The following TERB1 variants were observed in gnomAD, a reference collection of about 807,000 sequenced individuals.
The protein encoded by TERB1 is telomere repeat binding bouquet formation protein 1.
Under a neutral mutation model 92.3 loss-of-function variants are expected in TERB1, and 63 were observed. The ratio of observed to expected loss-of-function variants is 0.68; its 90% CI spans 0.56 to 0.84. The LOEUF (loss-of-function observed/expected upper bound fraction) is 0.84, where lower values mean the gene tolerates loss of function less well. TERB1 is among the 40% of genes least tolerant of loss of function. The probability of loss-of-function intolerance (pLI) is 0.00; values close to 1 mark genes in which losing one functional copy is unlikely to be tolerated. For missense variants in TERB1, 709 were observed against 843.7 expected, an observed-to-expected ratio of 0.84 and a Z score of 1.98; for synonymous variants, 252 against 283.9, an observed-to-expected ratio of 0.89 and a Z score of 1.13.
At chr16:66,781,854 T>C (rs1036138656) in intron 9 of TERB1, among the ~76,000 whole-genome samples, 2 of 152,100 alleles carry the variant, frequency 1.3e-5, no homozygotes, top group Non-Finnish European at 2.9e-5. Flanking sequence ...TCTTAAATAT[T>C]TTCTCTCAGT....
chr16:66,758,811 T>C lies in TERB1; in HGVS notation c.1958A>G (p.Gln653Arg), dbSNP rs363156. Residue 653 changes from glutamine to arginine, a missense_variant, in exon 18 of 19, where the codon CAA (glutamine) becomes CGA (arginine). Transcript: ENST00000433154. Reference sequence around the variant, plus strand: ...GGTAGTAGATTCATTACTGAGTCGTTGTCTTCTACGTGGGGTCAGCAGAAT... The same window carrying C: ...GGTAGTAGATTCATTACTGAGTCGTCGTCTTCTACGTGGGGTCAGCAGAAT... The part of the protein sequence containing the change: ...KKILLTPRRR[Q>R]RLSNESTTPG... The C allele has an allele frequency of 0.34, 518,387 of 1,525,034 alleles. 93,343 individuals carry two copies. The highest frequency in any genetic ancestry group is 0.61 in the East Asian group (24,566 of 40,498). 94.5% of individuals were successfully genotyped at this position (1,525,034 alleles called of 1,614,324 possible).
intron 18 of TERB1, 71 bp downstream of exon 18, chr16:66,758,702 C>A: frequency 1.1e-6 from 1 of 915,150 alleles, no homozygotes; most frequent in Non-Finnish European, 1.7e-6. Flanking sequence ...GATTGCTCCA[C>A]TGCACTCCAT....
intron 15 of TERB1, among the ~76,000 whole-genome samples, chr16:66,767,842 G>A (rs1461194024): frequency 2.6e-5 from 4 of 151,776 alleles, no homozygotes; most frequent in East Asian, 1.9e-4. Flanking sequence ...GTTCTCCTGC[G>A]TCAGCCTCCA....
intron 16 of TERB1, among the ~76,000 whole-genome samples, 199 bp downstream of exon 16, chr16:66,767,216 G>GT (rs1234583260): frequency 6.6e-6 from 1 of 151,564 alleles, no homozygotes; most frequent in Non-Finnish European, 1.5e-5. Flanking sequence ...GTGGGCACCT[G>GT]TAATCCCAGC....
chr16:66,769,079 T>C (rs1189505048), intron 14 of TERB1, among the ~76,000 whole-genome samples: 2 of 149,180 alleles, frequency 1.3e-5, no homozygotes, highest in African/African-American at 5.0e-5. Flanking sequence ...CACTCCAGCC[T>C]GGGCAACAAG....
intron 14 of TERB1, 102 bp from the exon 15 acceptor site, chr16:66,768,270 C>CA: frequency 1.2e-6 from 1 of 844,166 alleles, no homozygotes; most frequent in East Asian, 2.7e-5. Flanking sequence ...GTTTGGTGGG[C>CA]AAAAGCAACC....
intron 3 of TERB1, among the ~76,000 whole-genome samples, chr16:66,794,926 C>A (rs1386159949): frequency 2.7e-5 from 4 of 149,762 alleles, no homozygotes; most frequent in Admixed American, 1.3e-4. Flanking sequence ...AAAAAAAACA[C>A]ACACACACAC....
intron 16 of TERB1, among the ~76,000 whole-genome samples, chr16:66,765,454 T>C (rs2018322420): frequency 6.6e-6 from 1 of 152,042 alleles, no homozygotes; most frequent in African/African-American, 2.4e-5. Flanking sequence ...ATTTACTTTC[T>C]TTCTTTCTTT....
chr16:66,769,881 A>G, intron 14 of TERB1, 82 bp downstream of exon 14: 1 of 938,880 alleles, frequency 1.1e-6, no homozygotes, highest in Non-Finnish European at 1.6e-6. Flanking sequence ...TACATGCCCA[A>G]TATTTAACAG....
In TERB1 at chr16:66,786,085, A is replaced by C. The variant is rs1448286573; in HGVS notation, c.506T>G (p.Val169Gly). ...KHELDLSDKNVFQSYQLWSSV... is the reference protein window; with the variant it reads ...KHELDLSDKNGFQSYQLWSSV... ...AGACCACAACTGATAACTCTGGAAA[A>C]CATTTTTATCTGACAAATCCAACTC... Residue 169 changes from valine to glycine, a missense_variant, in exon 8 of 19, where the codon GTT becomes GGT. Val to Gly is a moderately radical substitution (Grantham distance 109). Coordinates refer to ENST00000433154, the MANE Select transcript of TERB1 (RefSeq NM_001136505.2). 8.4e-6 allele frequency: 13 copies of C among 1,551,524 alleles called. No individual in the cohort carries two copies. The highest frequency in any genetic ancestry group is 1.0e-5 in the Non-Finnish European group (12 of 1,146,888).
Position 66,767,526 on chromosome 16 carries a change from A to C in TERB1, c.1685-16T>G, listed in dbSNP as rs1459194570. ...GTAAATGGATCTGAAAAAAATTGCA[A>C]AATGAAGGATTTTTGGATTAATGAA... On this transcript the variant is annotated splice_polypyrimidine_tract_variant and intron_variant, in intron 15 of 18. Transcript: ENST00000433154. 8.4e-7 allele frequency: 1 copy of C among 1,191,078 alleles called. No individual in the cohort carries two copies. Among genetic ancestry groups the C allele is most frequent in the East Asian group, 2.7e-5 (1 of 37,434 alleles). The allele number at this position is 1,191,078 out of a possible 1,614,324, so 73.8% of individuals were successfully genotyped here.
At chr16:66,764,649 C>A (rs957354036) in intron 16 of TERB1, among the ~76,000 whole-genome samples, 24 of 151,984 alleles carry the variant, frequency 1.6e-4, no homozygotes, top group African/African-American at 5.3e-4. Context: ...AGGCATGAAA[C>A]AAAAAGGGCC....
Position 66,772,678 on chromosome 16 carries a change from T to C in TERB1, c.1183A>G (p.Ser395Gly). ...TCTTCAAGATTATTCTCCTTCACAC[T>C]TATGTCCTTTAATTGCTGTGTTTCA... Reference protein sequence around the residue: ...ENETQQLKDISVKENNLEEHW... With the variant: ...ENETQQLKDIGVKENNLEEHW... The change falls in exon 13 of 19, where the codon AGT (serine) becomes GGT (glycine). Residue 395 changes from serine (S) to glycine (G), a missense_variant. By Grantham distance (56) the Ser-to-Gly change is moderately conservative. Transcript: ENST00000433154. 6.5e-7 allele frequency: 1 copy of C among 1,549,350 alleles called. No homozygotes were observed. The highest frequency in any genetic ancestry group is 8.7e-7 in the Non-Finnish European group (1 of 1,144,912).
chr16:66,794,836 G>C (rs1216559789), intron 3 of TERB1, among the ~76,000 whole-genome samples: 1 of 151,802 alleles, frequency 6.6e-6, no homozygotes, highest in Non-Finnish European at 1.5e-5. Flanking sequence ...CGTGAACCTG[G>C]GAGGCCGAGC....
intron 14 of TERB1, among the ~76,000 whole-genome samples, chr16:66,769,078 C>T (rs1038616842): frequency 4.0e-5 from 6 of 150,848 alleles, no homozygotes; most frequent in African/African-American, 1.5e-4. Context: ...GCACTCCAGC[C>T]TGGGCAACAA....
intron 18 of TERB1, among the ~76,000 whole-genome samples, chr16:66,756,683 T>C (rs2018144085): frequency 6.6e-6 from 1 of 152,028 alleles, no homozygotes; most frequent in Non-Finnish European, 1.5e-5. Context: ...AGCCCTGGAG[T>C]TGATCATGTA....
chr16:66,758,462 C>A, intron 18 of TERB1: 1 of 228,758 alleles, frequency 4.4e-6, no homozygotes, highest in Non-Finnish European at 8.5e-6. Context: ...TATATTCAGC[C>A]AGGTGCAATG....
intron 9 of TERB1, among the ~76,000 whole-genome samples, chr16:66,784,530 C>G (rs1392500149): frequency 1.3e-5 from 2 of 151,798 alleles, no homozygotes; most frequent in Non-Finnish European, 2.9e-5. Flanking sequence ...GACAAGGTTT[C>G]GTCACATTGG....
rs1345457843 is a variant in TERB1, at chr16:66,758,846, A to G, written c.1931-8T>C. On this transcript the variant is annotated splice_polypyrimidine_tract_variant and splice_region_variant and intron_variant, in intron 17 of 18. Transcript: ENST00000433154. Reference sequence around the variant, plus strand: ...GTGGGGTCAGCAGAATTTCTGAAAAATATGGAAAACATTTAGCACATTTAG... The same window carrying G: ...GTGGGGTCAGCAGAATTTCTGAAAAGTATGGAAAACATTTAGCACATTTAG... The G allele has an allele frequency of 1.3e-6, 2 of 1,519,166 alleles. No individual in the cohort carries two copies. Among genetic ancestry groups the G allele is most frequent in the African/African-American group, 2.8e-5 (2 of 72,140 alleles). The allele number at this position is 1,519,166 out of a possible 1,614,324, so 94.1% of individuals were successfully genotyped here. A position where few individuals can be genotyped will look rare whatever the true frequency, so the allele number is the denominator to read the frequency against.
Sources: allele counts gnomAD v4.1 joint callset (sites outside exome capture counted in the v4.1 genomes callset), GRCh38; gene constraint gnomAD v4.1.1; transcripts MANE v1.5; gene names NCBI Gene and HGNC (gene_info 2026-07-23, HGNC 2026-07-21).